Variants in ZNF496 observed in about 807,000 individuals in gnomAD.
ZNF496 encodes the protein NSD1 (nuclear receptor binding SET-domain containing 1)-interacting zinc finger protein 1.
Under a neutral mutation model 58.9 loss-of-function variants are expected in ZNF496, and 11 were observed. The observed-to-expected ratio is 0.19, with a 90% confidence interval of 0.12 to 0.31. The LOEUF (loss-of-function observed/expected upper bound fraction) is 0.31, where lower values mean the gene tolerates loss of function less well. Among genes scored for constraint, ZNF496 ranks in the 10% least tolerant of loss-of-function variants. The pLI is 1.00. For synonymous variants in ZNF496, 338 were observed against 318.2 expected (o/e 1.06, Z -0.66); for missense variants, 660 against 783.0 (o/e 0.84, Z 1.88).
chr1:247,297,955 AAC>A lies in ZNF496; in HGVS notation c.*2562_*2563del, dbSNP rs1659132739. ...CACAGAAAAACACTCTGGTAAGTAG[AAC>A]AGTGTTCTTCTCTTGAGTCAGACGT... On this transcript the variant is annotated 3_prime_UTR_variant, in exon 10 of 10. Transcript: ENST00000682384. 1 of 152,202 alleles carries A rather than the reference AAC, an allele frequency of 6.6e-6. No individual in the cohort carries two copies. Among genetic ancestry groups the A allele is most frequent in the African/African-American group, 2.4e-5 (1 of 41,440 alleles). 9.4% of individuals were successfully genotyped at this position (152,202 alleles called of 1,614,324 possible).
Position 247,308,579 on chromosome 1 carries a change from C to G in ZNF496, c.902G>C (p.Ser301Thr). 3 of 1,614,004 alleles carry G rather than the reference C, an allele frequency of 1.9e-6. No homozygotes were observed. Among genetic ancestry groups the G allele is most frequent in the Non-Finnish European group, 2.5e-6 (3 of 1,179,930 alleles). The change falls in exon 9 of 10, where the codon AGT becomes ACT. Residue 301 changes from serine to threonine, a missense_variant. By Grantham distance (58) the Ser-to-Thr change is moderately conservative (BLOSUM62 1). Coordinates refer to ENST00000682384, the MANE Select transcript of ZNF496 (RefSeq NM_032752.3). This position sits in a 1 kb window ranked among gnomAD's most constrained non-coding sequence, Gnocchi z 4.5. ...TTCTTCTACCTGGAATGGCTGGAGA[C>G]TTGGAGAGTCTTTCCAGAGGAGGAA... ...VPQVSYLDSP[S>T]LQPFQVEERR...
In ZNF496 at chr1:247,326,083, C is replaced by T. The variant is rs535669090; in HGVS notation, c.574+2600G>A. On this transcript the variant is annotated intron_variant, in intron 5 of 9. Transcript: ENST00000682384. ...ACACACATATATACACACACACACA[C>T]ATATATACACACACATATATATACA... Among the ~76,000 whole-genome samples the T allele has an allele frequency of 1.5e-4, 23 of 148,432 alleles. No individual in the cohort carries two copies. In the South Asian group the frequency reaches 2.6e-3, roughly 17 times the overall value.
chr1:247,325,321 G>A (rs1331128073), intron 5 of ZNF496, among the ~76,000 whole-genome samples: 1 of 152,146 alleles, frequency 6.6e-6, no homozygotes, highest in Admixed American at 6.5e-5. Flanking sequence ...ATTTTTCTGT[G>A]TGTATGTTCC....
rs766047836 is a variant in ZNF496 at position 247,301,151 on chromosome 1, G to A, written c.1132C>T (p.Pro378Ser). 2 of 1,613,332 alleles carry A rather than the reference G, an allele frequency of 1.2e-6. No homozygotes were observed. The highest frequency in any genetic ancestry group is 1.3e-5 in the African/African-American group (1 of 74,980). The change falls in exon 10 of 10, where the codon CCC becomes TCC. Residue 378 changes from proline (P) to serine (S), a missense_variant. Transcript: ENST00000682384. ...GGGAGGCTGCGCTGCTTCTCTGTGG[G>A]GCTCCCCAGCTCTTCTGTGCAGTAC... is the stretch of plus-strand genomic sequence containing the variant. ...GPYCTEELGS[P>S]TEKQRSLPAS...
chr1:247,314,473 A>G (rs573359250), intron 6 of ZNF496, among the ~76,000 whole-genome samples: 105 of 141,856 alleles, frequency 7.4e-4, no homozygotes, highest in African/African-American at 3.2e-3. Flanking sequence ...AAATGATGGT[A>G]TATCCATATA....
chr1:247,310,083 CAT>C (rs992175945), intron 7 of ZNF496: 10 of 1,429,948 alleles, frequency 7.0e-6, no homozygotes, highest in Non-Finnish European at 9.1e-6. Context: ...ACATACAGCA[CAT>C]GTTCTATTTG....
intron 6 of ZNF496, among the ~76,000 whole-genome samples, chr1:247,315,615 G>A (rs1659742973): frequency 1.3e-5 from 2 of 152,116 alleles, no homozygotes; most frequent in Admixed American, 6.5e-5. Flanking sequence ...GAAGATTTGG[G>A]GAAAAATAGA....
At chr1:247,306,497 GTTTTTTTTTTCTTTTTCT>G (rs1338223800) in intron 9 of ZNF496, among the ~76,000 whole-genome samples, 2 of 144,392 alleles carry the variant, frequency 1.4e-5, no homozygotes. Flanking sequence ...GCACCTGGCC[GTTTTTTTTTTCTTTTTCT>G]TTTTTTTTTT....
intron 6 of ZNF496, among the ~76,000 whole-genome samples, chr1:247,320,884 G>A (rs1659940669): frequency 6.6e-6 from 1 of 152,098 alleles, no homozygotes; most frequent in African/African-American, 2.4e-5. Flanking sequence ...AAAAAGGAAG[G>A]GAATTCATGG....
chr1:247,304,475 A>G (rs1253247271), intron 9 of ZNF496, among the ~76,000 whole-genome samples: 1 of 151,236 alleles, frequency 6.6e-6, no homozygotes, highest in Non-Finnish European at 1.5e-5. Flanking sequence ...GGGTTCAAGC[A>G]ATTCTCCTGC....
rs1164528795 is a variant in ZNF496, at chr1:247,299,966, T to C, written c.*553A>G. On this transcript the variant is annotated 3_prime_UTR_variant, in exon 10 of 10. Coordinates refer to ENST00000682384, the MANE Select transcript of ZNF496 (RefSeq NM_032752.3). ...TACCTGATGGCCACGAATCTGGGGCTCAGACATGACATGTCTGGCTCAGTG... is the reference window on the plus strand; with the variant it reads ...TACCTGATGGCCACGAATCTGGGGCCCAGACATGACATGTCTGGCTCAGTG... 1 of 152,340 alleles carries C rather than the reference T, an allele frequency of 6.6e-6. No homozygotes were observed. The highest frequency in any genetic ancestry group is 1.5e-5 in the Non-Finnish European group (1 of 68,124). 9.4% of individuals were successfully genotyped at this position (152,340 alleles called of 1,614,324 possible). A position where few individuals can be genotyped will look rare whatever the true frequency, so the allele number is the denominator to read the frequency against.
intron 9 of ZNF496, among the ~76,000 whole-genome samples, chr1:247,306,394 C>T (rs946302722): frequency 6.6e-6 from 1 of 151,834 alleles, no homozygotes; most frequent in African/African-American, 2.4e-5. Flanking sequence ...GATGGGGTTT[C>T]GCCATATTGG....
At chr1:247,330,406 C>G (rs760945182) in intron 2 of ZNF496, among the ~76,000 whole-genome samples, 2 of 152,230 alleles carry the variant, frequency 1.3e-5, no homozygotes, top group Non-Finnish European at 2.9e-5. Context: ...TTGAAGGCAA[C>G]TGCACACTCG....
In ZNF496 at chr1:247,300,937, T is replaced by A; in HGVS notation, c.1346A>T (p.Asp449Val). The A allele has an allele frequency of 1.9e-6, 3 of 1,613,838 alleles. No individual in the cohort carries two copies. The highest frequency in any genetic ancestry group is 2.5e-6 in the Non-Finnish European group (3 of 1,179,938). ...GTGGCTCTCTAGGTGCCCATCCAGG[T>A]CCTCGCTGTCGCTGAACAGCTCCCC... ...VCGELFSDSE[D>V]LDGHLESHEA... The change falls in exon 10 of 10, where the codon GAC becomes GTC. Residue 449 changes from aspartate to valine, a missense_variant. Transcript: ENST00000682384. This position sits in a 1 kb window ranked among gnomAD's most constrained non-coding sequence, Gnocchi z 5.7.
intron 6 of ZNF496, chr1:247,311,756 G>A (rs954566241): frequency 7.2e-5 from 11 of 152,484 alleles, no homozygotes; most frequent in Admixed American, 5.9e-4. Context: ...GGCAGCCCCT[G>A]GTGAGGGCCT....
At chr1:247,325,728 C>A (rs1022218282) in intron 5 of ZNF496, among the ~76,000 whole-genome samples, 1 of 152,110 alleles carries the variant, frequency 6.6e-6, no homozygotes, top group Non-Finnish European at 1.5e-5. Flanking sequence ...CTCCTGGCCT[C>A]AAGCAATCCT....
chr1:247,326,113 C>CAT (rs1211398436), intron 5 of ZNF496, among the ~76,000 whole-genome samples: 8 of 148,964 alleles, frequency 5.4e-5, no homozygotes, highest in East Asian at 2.0e-4. Context: ...TATACACACA[C>CAT]ATATATATAC....
chr1:247,307,139 T>A, intron 9 of ZNF496: 1 of 985,444 alleles, frequency 1.0e-6, no homozygotes, highest in Non-Finnish European at 1.2e-6. Flanking sequence ...AAACTGAACA[T>A]CTGGGAGTGT....
intron 9 of ZNF496, among the ~76,000 whole-genome samples, chr1:247,303,095 AG>A (rs1659300033): frequency 6.6e-6 from 1 of 152,202 alleles, no homozygotes. Context: ...ACTTGGAGAT[AG>A]GGTCTTTCAA....
Sources: allele counts gnomAD v4.1 joint callset (sites outside exome capture counted in the v4.1 genomes callset), GRCh38; gene constraint gnomAD v4.1.1; non-coding constraint Gnocchi (gnomAD v3.1); transcripts MANE v1.5; gene names NCBI Gene and HGNC (gene_info 2026-07-23, HGNC 2026-07-21).